HACD4: variants seen among roughly 807,000 people sequenced by gnomAD.
HACD4 encodes 3-hydroxyacyl-CoA dehydratase 4.
HACD4 carries 35 observed loss-of-function variants against 33.3 expected under a neutral mutation model. The ratio of observed to expected loss-of-function variants is 1.05; its 90% confidence interval spans 0.80 to 1.39. The LOEUF is 1.39. Ranked by LOEUF, HACD4 falls within the 40% of genes most tolerant of loss-of-function variation. HACD4 has a pLI of 0.00. For missense variants in HACD4, 323 were observed against 276.5 expected, an observed-to-expected ratio of 1.17 and a Z score of -1.19; for synonymous variants, 118 against 98.0, an observed-to-expected ratio of 1.20 and a Z score of -1.21.
chr9:21,020,518 G>A (rs1817881069), intron 3 of HACD4, among the ~76,000 whole-genome samples: 1 of 152,108 alleles, frequency 6.6e-6, no homozygotes, highest in South Asian at 2.1e-4. Context: ...TAGTGTTTCT[G>A]TACTATAAAA....
chr9:21,011,407 G>A (rs1055303665), intron 5 of HACD4, among the ~76,000 whole-genome samples, 182 bp downstream of exon 5: 1 of 152,170 alleles, frequency 6.6e-6, no homozygotes, highest in Admixed American at 6.5e-5. Context: ...TTTGTCTACT[G>A]TGCAGAGCTG....
intron 1 of HACD4, among the ~76,000 whole-genome samples, chr9:21,030,100 A>G (rs1818170138): frequency 6.6e-6 from 1 of 152,142 alleles, no homozygotes; most frequent in South Asian, 2.1e-4. Context: ...GCTGCTCACC[A>G]AGGAATAAAA....
intron 3 of HACD4, among the ~76,000 whole-genome samples, chr9:21,018,529 C>T (rs1587833104): frequency 1.3e-5 from 2 of 152,238 alleles, no homozygotes; most frequent in East Asian, 3.9e-4. Context: ...TTTCTTAACA[C>T]CAAAACAATT....
At chr9:21,025,162 C>T (rs1228223876) in intron 3 of HACD4, among the ~76,000 whole-genome samples, 1 of 152,042 alleles carries the variant, frequency 6.6e-6, no homozygotes. Flanking sequence ...ACACCATTAC[C>T]CTAACTTTTA....
intron 3 of HACD4, among the ~76,000 whole-genome samples, chr9:21,023,422 C>T (rs1195019756): frequency 6.6e-6 from 1 of 151,990 alleles, no homozygotes; most frequent in Admixed American, 6.5e-5. Flanking sequence ...CAAAAACAAA[C>T]CTATCCCCTG....
intron 4 of HACD4, chr9:21,015,585 G>T (rs376226157): frequency 4.9e-6 from 1 of 202,734 alleles, no homozygotes; most frequent in African/African-American, 2.3e-5. Flanking sequence ...TAAAGCAACC[G>T]TACTAAAGCA....
Position 21,001,911 on chromosome 9 carries a change from C to T in HACD4, c.*5126G>A, listed in dbSNP as rs566740130. On this transcript the variant is annotated 3_prime_UTR_variant, in exon 7 of 7. Coordinates refer to ENST00000495827, the MANE Select transcript of HACD4 (RefSeq NM_001010915.5). ...GTTGAAATGGAAAGACACTAAACAG[C>T]AACTCAAAGCCACATGAAGAAATAA... 1.3e-5 allele frequency: 2 copies of T among 152,172 alleles called. No individual in the cohort carries two copies. The highest frequency in any genetic ancestry group is 4.1e-4 in the South Asian group (2 of 4,834). 9.4% of individuals were successfully genotyped at this position (152,172 alleles called of 1,614,324 possible). A position where few individuals can be genotyped will look rare whatever the true frequency, so the allele number is the denominator to read the frequency against.
rs1318436341 is a variant in HACD4 at position 21,004,810 on chromosome 9, A to AGAT, written c.*2224_*2226dup. 1 of 150,768 alleles carries AGAT rather than the reference A, an allele frequency of 6.6e-6. No individual in the cohort carries two copies. Among genetic ancestry groups the AGAT allele is most frequent in the Non-Finnish European group, 1.5e-5 (1 of 66,948 alleles). The allele number at this position is 150,768 out of a possible 1,614,324, so 9.3% of individuals were successfully genotyped here. On this transcript the variant is annotated 3_prime_UTR_variant, in exon 7 of 7. Coordinates refer to ENST00000495827, the MANE Select transcript of HACD4 (RefSeq NM_001010915.5). This position sits in a 1 kb window ranked among gnomAD's most constrained non-coding sequence, Gnocchi z 4.6. ...GGAAGCAGCTTTGACGTTAGGTAAC[A>AGAT]GATAGAAGCTGGAAGAGTTTTGAGG...
rs1005071881 is a variant in HACD4 at position 21,002,746 on chromosome 9, AGTT to A, written c.*4288_*4290del. Reference sequence around the variant, plus strand: ...CCACAATAAAAAAATTACTGAAAAAAGTTGTCTTAGATATGTTTTCAAAATATC... The same window carrying A: ...CCACAATAAAAAAATTACTGAAAAAAGTCTTAGATATGTTTTCAAAATATC... On this transcript the variant is annotated 3_prime_UTR_variant, in exon 7 of 7. Transcript: ENST00000495827. The A allele has an allele frequency of 2.0e-5, 3 of 152,160 alleles. No homozygotes were observed. The highest frequency in any genetic ancestry group is 7.2e-5 in the African/African-American group (3 of 41,452). 9.4% of individuals were successfully genotyped at this position (152,160 alleles called of 1,614,324 possible).
At chr9:21,022,009 A>G (rs1189692071) in intron 3 of HACD4, among the ~76,000 whole-genome samples, 2 of 152,218 alleles carry the variant, frequency 1.3e-5, no homozygotes, top group East Asian at 3.8e-4. Flanking sequence ...CCAAAACAGC[A>G]TGGTACTGGT....
intron 6 of HACD4, 114 bp downstream of exon 6, chr9:21,007,907 A>G: frequency 1.1e-6 from 1 of 888,432 alleles, no homozygotes; most frequent in Non-Finnish European, 1.6e-6. Context: ...TCATGATGTC[A>G]GGCTTCCTCT....
chr9:21,011,589 C>G lies in HACD4; in HGVS notation c.490G>C (p.Ala164Pro). The change falls in exon 5 of 7, where the codon GCA (alanine) becomes CCA (proline). Residue 164 changes from alanine (A) to proline (P), a missense_variant and splice_region_variant. Transcript: ENST00000495827. ...ATACAGCAAGTCACTCTTTTCTTAC[C>G]TTCAGCAAGAACACACAAAGGATAA... ...PIYPLCVLAEAFAIYQSLPYF... is the reference protein window; with the variant it reads ...PIYPLCVLAEPFAIYQSLPYF... The G allele has an allele frequency of 1.3e-6, 2 of 1,578,572 alleles. No individual in the cohort carries two copies. The highest frequency in any genetic ancestry group is 1.3e-5 in the African/African-American group (1 of 74,292).
At chr9:21,021,712 G>C (rs1817918122) in intron 3 of HACD4, among the ~76,000 whole-genome samples, 1 of 152,210 alleles carries the variant, frequency 6.6e-6, no homozygotes, top group South Asian at 2.1e-4. Context: ...ACAAACCACT[G>C]CTCAACGAAA....
chr9:21,020,819 C>T (rs1817889844), intron 3 of HACD4, among the ~76,000 whole-genome samples: 3 of 152,038 alleles, frequency 2.0e-5, no homozygotes, highest in Admixed American at 2.0e-4. Context: ...TGGTTTTGCC[C>T]TTTTCCCCAA....
At chr9:21,030,980 A>T (rs893212994) in intron 1 of HACD4, among the ~76,000 whole-genome samples, 22 of 152,200 alleles carry the variant, frequency 1.4e-4, no homozygotes, top group Non-Finnish European at 2.6e-4. Flanking sequence ...CAAGGAAAAT[A>T]AGCTGGGAGG....
chr9:21,011,263 A>C (rs979297664), intron 5 of HACD4, among the ~76,000 whole-genome samples: 1 of 152,196 alleles, frequency 6.6e-6, no homozygotes, highest in Non-Finnish European at 1.5e-5. Flanking sequence ...AAAAGTTAAA[A>C]ATCATAGAAT....
At position 21,003,743 on chromosome 9, in the gene HACD4, A is replaced by G. The variant is rs547533598; in HGVS notation, c.*3294T>C. On this transcript the variant is annotated 3_prime_UTR_variant, in exon 7 of 7. Coordinates refer to ENST00000495827, the MANE Select transcript of HACD4 (RefSeq NM_001010915.5). ...AAAAATTGAGTGATACATCAATGAT[A>G]CAGCAATGACTATCAGTTATTCACA... The G allele has an allele frequency of 6.6e-6, 1 of 152,330 alleles. No individual in the cohort carries two copies. The highest frequency in any genetic ancestry group is 2.4e-5 in the African/African-American group (1 of 41,584). 9.4% of individuals were successfully genotyped at this position (152,330 alleles called of 1,614,324 possible).
At chr9:21,025,512 T>C (rs1319961883) in intron 3 of HACD4, among the ~76,000 whole-genome samples, 2 of 152,216 alleles carry the variant, frequency 1.3e-5, no homozygotes, top group African/African-American at 4.8e-5. Flanking sequence ...TTCAAATTTA[T>C]TTTGAGGATA....
At chr9:21,016,121 A>G (rs1842550082) in intron 3 of HACD4, 111 bp from the exon 4 acceptor site, 2 of 675,384 alleles carry the variant, frequency 3.0e-6, no homozygotes, top group South Asian at 1.8e-5. Flanking sequence ...AGCTGGAAAT[A>G]TGTATACTAA....
Sources: gnomAD v4.1 joint callset for allele counts (sites outside exome capture counted in the v4.1 genomes callset) on GRCh38, gnomAD v4.1.1 for gene constraint, Gnocchi (gnomAD v3.1) non-coding constraint, MANE v1.5 for transcripts, NCBI Gene and HGNC (gene_info 2026-07-23, HGNC 2026-07-21) for gene names.